SPRING1: variants seen among roughly 807,000 people sequenced by gnomAD.
SPRING1 encodes SREBP regulating gene protein.
In SPRING1, 14 loss-of-function variants were observed where a neutral mutation model predicts 24.7. The ratio of observed to expected loss-of-function variants is 0.57; its 90% CI spans 0.37 to 0.88. The LOEUF is 0.88. Ranked by LOEUF, SPRING1 falls within the 40% of genes least tolerant of loss-of-function variation. The pLI is 0.00. For missense variants in SPRING1, 255 were observed against 268.4 expected (o/e 0.95, Z 0.35); for synonymous variants, 93 against 106.1 (o/e 0.88, Z 0.76).
rs1445165712 is a variant in SPRING1, at chr12:116,715,445, T to A, written c.*2365A>T. The A allele has an allele frequency of 1.3e-5, 2 of 152,324 alleles. No homozygotes were observed. The highest frequency in any genetic ancestry group is 6.8e-3 in the Middle Eastern group (2 of 294). The allele number at this position is 152,324 out of a possible 1,614,324, so 9.4% of individuals were successfully genotyped here. On this transcript the variant is annotated 3_prime_UTR_variant, in exon 5 of 5. Transcript: ENST00000261318. Reference sequence around the variant, plus strand: ...CTGGGAGCCTGGAGCACGTGCCAGGTGCTCTGCAGCCCAGCTTCATTATGG... The same window carrying A: ...CTGGGAGCCTGGAGCACGTGCCAGGAGCTCTGCAGCCCAGCTTCATTATGG...
At chr12:116,732,516 T>C (rs1462035092) in intron 1 of SPRING1, among the ~76,000 whole-genome samples, 2 of 152,184 alleles carry the variant, frequency 1.3e-5, no homozygotes, top group Non-Finnish European at 2.9e-5. Flanking sequence ...GAGACCAGCC[T>C]GGCCAACATG....
At chr12:116,737,607 A>G (rs1592928355) in intron 1 of SPRING1, among the ~76,000 whole-genome samples, 183 bp downstream of exon 1, 1 of 132,938 alleles carries the variant, frequency 7.5e-6, no homozygotes, top group Admixed American at 7.7e-5. Context: ...GAAGGAGGGG[A>G]GGTAGGAAGA....
At position 116,717,771 on chromosome 12, in the gene SPRING1, G is replaced by A. The variant is rs1870218336; in HGVS notation, c.*39C>T. The stretch of plus-strand genomic sequence containing the variant: ...TCCCAGGAGGCGAGTTCTTCAGCGG[G>A]GCCTCCTCACCCAGGCTGGAGCAAG... On this transcript the variant is annotated 3_prime_UTR_variant, in exon 5 of 5. Transcript: ENST00000261318. The surrounding 1 kb of genome is among the most constrained non-coding windows in gnomAD (Gnocchi z 4.2). The A allele has an allele frequency of 2.0e-6, 3 of 1,527,322 alleles. No homozygotes were observed. The highest frequency in any genetic ancestry group is 2.4e-5 in the East Asian group (1 of 41,596). 94.6% of individuals were successfully genotyped at this position (1,527,322 alleles called of 1,614,324 possible).
intron 1 of SPRING1, among the ~76,000 whole-genome samples, chr12:116,731,361 A>C (rs1035133174): frequency 6.6e-6 from 1 of 152,152 alleles, no homozygotes; most frequent in African/African-American, 2.4e-5. Context: ...TTCTGAAAAG[A>C]ATTCTGGCCT....
At chr12:116,730,328 C>G (rs945838353) in intron 1 of SPRING1, among the ~76,000 whole-genome samples, 1 of 152,038 alleles carries the variant, frequency 6.6e-6, no homozygotes, top group Non-Finnish European at 1.5e-5. Flanking sequence ...CTCAGACTCC[C>G]GAGTAGCTGG....
rs1411159436 is a variant in SPRING1, at chr12:116,720,245, C to T, written c.420+51G>A. 2 of 1,549,688 alleles carry T rather than the reference C, an allele frequency of 1.3e-6. No individual in the cohort carries two copies. The highest frequency in any genetic ancestry group is 1.4e-5 in the African/African-American group (1 of 72,110). On this transcript the variant is annotated intron_variant, in intron 3 of 4. Coordinates refer to ENST00000261318, the MANE Select transcript of SPRING1 (RefSeq NM_024738.4). This position sits in a 1 kb window ranked among gnomAD's most constrained non-coding sequence, Gnocchi z 4.0. ...GAAGAGCCTAATGCTCATCATAAAA[C>T]AGAGGCCGAAAGAAAAAAGGAGCCG... is the stretch of plus-strand genomic sequence containing the variant.
At chr12:116,719,197 G>A (rs1361305572) in intron 4 of SPRING1, among the ~76,000 whole-genome samples, 3 of 152,236 alleles carry the variant, frequency 2.0e-5, no homozygotes, top group Admixed American at 2.0e-4. Context: ...ACTTTCAGAT[G>A]CTTTCAGCAG....
chr12:116,719,896 T>C lies in SPRING1; in HGVS notation c.421-20A>G, dbSNP rs1870337270. ...AAGTTGCTATGGAAACAAAAGTTAG[T>C]GCCTGTAATAAATTACCTAAGCCAG... On this transcript the variant is annotated intron_variant, in intron 3 of 4. Coordinates refer to ENST00000261318, the MANE Select transcript of SPRING1 (RefSeq NM_024738.4). 6.2e-7 allele frequency: 1 copy of C among 1,602,552 alleles called. No individual in the cohort carries two copies. The highest frequency in any genetic ancestry group is 1.1e-5 in the South Asian group (1 of 90,746).
chr12:116,737,815 T>C lies in SPRING1; in HGVS notation c.86A>G (p.Tyr29Cys), dbSNP rs1871350200. 1.9e-6 allele frequency: 3 copies of C among 1,594,014 alleles called. No homozygotes were observed. The highest frequency in any genetic ancestry group is 1.1e-5 in the South Asian group (1 of 90,462). The change falls in exon 1 of 5, where the codon TAC becomes TGC. Residue 29 changes from tyrosine (Y) to cysteine (C), a missense_variant. Physicochemically the swap from Tyr to Cys is radical, Grantham distance 194. Coordinates refer to ENST00000261318, the MANE Select transcript of SPRING1 (RefSeq NM_024738.4). Reference sequence around the variant, plus strand: ...CTGCTTGAAGGTGCTGCTGAGGAAGTAGACGAGCGACAGCCCGAAGACCAG... The same window carrying C: ...CTGCTTGAAGGTGCTGCTGAGGAAGCAGACGAGCGACAGCCCGAAGACCAG... Reference protein sequence around the residue: ...LALVFGLSLVYFLSSTFKQEE... With the variant: ...LALVFGLSLVCFLSSTFKQEE...
chr12:116,717,686 A>G lies in SPRING1; in HGVS notation c.*124T>C, dbSNP rs1191343408. ...ACAACACGAGAAGGGGTCAAAGCCA[A>G]GGTTTCCTCACGCTGCCTTTGTCTT... On this transcript the variant is annotated 3_prime_UTR_variant, in exon 5 of 5. Coordinates refer to ENST00000261318, the MANE Select transcript of SPRING1 (RefSeq NM_024738.4). The surrounding 1 kb of genome is among the most constrained non-coding windows in gnomAD (Gnocchi z 4.2). 5 of 845,638 alleles carry G rather than the reference A, an allele frequency of 5.9e-6. No homozygotes were observed. The highest frequency in any genetic ancestry group is 2.7e-5 in the Admixed American group (1 of 37,072). 52.4% of individuals were successfully genotyped at this position (845,638 alleles called of 1,614,324 possible).
Position 116,715,014 on chromosome 12 carries a change from C to A in SPRING1, c.*2796G>T, listed in dbSNP as rs907004642. ...AACGTATGACTCAATTCCCTTGAGC[C>A]GAAAACACTCACTTATTAACAATAT... On this transcript the variant is annotated 3_prime_UTR_variant, in exon 5 of 5. Coordinates refer to ENST00000261318, the MANE Select transcript of SPRING1 (RefSeq NM_024738.4). The A allele has an allele frequency of 6.6e-6, 1 of 151,940 alleles. No homozygotes were observed. Among genetic ancestry groups the A allele is most frequent in the African/African-American group, 2.4e-5 (1 of 41,334 alleles). The allele number at this position is 151,940 out of a possible 1,614,324, so 9.4% of individuals were successfully genotyped here. A position where few individuals can be genotyped will look rare whatever the true frequency, so the allele number is the denominator to read the frequency against.
Position 116,719,743 on chromosome 12 carries a change from G to C in SPRING1, c.534+20C>G, listed in dbSNP as rs748265648. ...CCCGTCAGCTGCCATCCCACAGCTA[G>C]AGACATCACAGCTTCTGACCTGAGA... On this transcript the variant is annotated intron_variant, in intron 4 of 4. Transcript: ENST00000261318. 4.4e-6 allele frequency: 7 copies of C among 1,599,228 alleles called. No individual in the cohort carries two copies. Among genetic ancestry groups the C allele is most frequent in the East Asian group, 2.2e-5 (1 of 44,798 alleles).
chr12:116,722,964 G>A, intron 2 of SPRING1, 103 bp downstream of exon 2: 4 of 1,429,138 alleles, frequency 2.8e-6, no homozygotes, highest in Non-Finnish European at 3.8e-6. Flanking sequence ...AGCGAGGAGA[G>A]AAAATGTGTT....
Position 116,710,836 on chromosome 12 carries a change from T to G in SPRING1, c.*6974A>C, listed in dbSNP as rs912334755. On this transcript the variant is annotated 3_prime_UTR_variant, in exon 5 of 5. Coordinates refer to ENST00000261318, the MANE Select transcript of SPRING1 (RefSeq NM_024738.4). Reference sequence around the variant, plus strand: ...TTGCTTTAACAGCCAGGGGGACTTTTGGCTTGTTACAAAAATTGGAATTTG... The same window carrying G: ...TTGCTTTAACAGCCAGGGGGACTTTGGGCTTGTTACAAAAATTGGAATTTG... 1.3e-5 allele frequency: 2 copies of G among 152,200 alleles called. No homozygotes were observed. The highest frequency in any genetic ancestry group is 6.5e-5 in the Admixed American group (1 of 15,276). The allele number at this position is 152,200 out of a possible 1,614,324, so 9.4% of individuals were successfully genotyped here.
rs369352011 is a variant in SPRING1 at position 116,715,687 on chromosome 12, AGG to A, written c.*2121_*2122del. On this transcript the variant is annotated 3_prime_UTR_variant, in exon 5 of 5. Coordinates refer to ENST00000261318, the MANE Select transcript of SPRING1 (RefSeq NM_024738.4). The stretch of plus-strand genomic sequence containing the variant: ...GTCAGGGCTGGAGTTGGCAAGAGAC[AGG>A]GGGAAGAGGACTAGACCTGGAGTCA... The A allele has an allele frequency of 8.4e-5, 9 of 107,660 alleles. No homozygotes were observed. The highest frequency in any genetic ancestry group is 5.2e-4 in the African/African-American group (8 of 15,352). The allele number at this position is 107,660 out of a possible 1,614,324, so 6.7% of individuals were successfully genotyped here.
chr12:116,737,843 C>A lies in SPRING1; in HGVS notation c.58G>T (p.Ala20Ser). The change falls in exon 1 of 5, where the codon GCC (alanine) becomes TCC (serine). Residue 20 changes from alanine (A) to serine (S), a missense_variant. Transcript: ENST00000261318. ...ACGAGCGACAGCCCGAAGACCAGGGCGAGCACCCACCTCTTCCGCAGAAGC... is the reference window on the plus strand; with the variant it reads ...ACGAGCGACAGCCCGAAGACCAGGGAGAGCACCCACCTCTTCCGCAGAAGC... ...RRLLRKRWVL[A>S]LVFGLSLVYF... 2 of 1,591,316 alleles carry A rather than the reference C, an allele frequency of 1.3e-6. No individual in the cohort carries two copies. Among genetic ancestry groups the A allele is most frequent in the Non-Finnish European group, 1.7e-6 (2 of 1,169,410 alleles).
chr12:116,723,282 C>G (rs1375045691), intron 1 of SPRING1, 59 bp from the exon 2 acceptor site: 13 of 1,588,482 alleles, frequency 8.2e-6, no homozygotes, highest in Non-Finnish European at 1.1e-5. Context: ...TACAATTTCA[C>G]CAGTTTTTCA....
In SPRING1 at chr12:116,729,066, C is replaced by T. The variant is rs150779340; in HGVS notation, c.112-5843G>A. Among the ~76,000 whole-genome samples, 66 of 152,212 alleles carry T rather than the reference C, an allele frequency of 4.3e-4. 1 individual carries two copies. The East Asian group carries it at 0.012, about 28-fold the overall frequency. ...AAAAATAACAACAATGAATTCGGTA[C>T]ATGAGTTTTTTGTGAAAAAACACTT... is the stretch of plus-strand genomic sequence containing the variant. On this transcript the variant is annotated intron_variant, in intron 1 of 4. Coordinates refer to ENST00000261318, the MANE Select transcript of SPRING1 (RefSeq NM_024738.4).
rs976749914 is a variant in SPRING1 at position 116,711,981 on chromosome 12, T to C, written c.*5829A>G. 4.6e-5 allele frequency: 7 copies of C among 152,082 alleles called. No homozygotes were observed. Among genetic ancestry groups the C allele is most frequent in the African/African-American group, 1.7e-4 (7 of 41,400 alleles). The allele number at this position is 152,082 out of a possible 1,614,324, so 9.4% of individuals were successfully genotyped here. A position where few individuals can be genotyped will look rare whatever the true frequency, so the allele number is the denominator to read the frequency against. ...TGATCAGAAGCTTACCTACCCCACG[T>C]TGCATAAAAAAAAGTATGAATTTAA... On this transcript the variant is annotated 3_prime_UTR_variant, in exon 5 of 5. Transcript: ENST00000261318.
Sources: gnomAD v4.1 joint callset for allele counts (sites outside exome capture counted in the v4.1 genomes callset) on GRCh38, gnomAD v4.1.1 for gene constraint, Gnocchi (gnomAD v3.1) non-coding constraint, MANE v1.5 for transcripts, NCBI Gene and HGNC (gene_info 2026-07-23, HGNC 2026-07-21) for gene names.